The following CWC27 variants were observed in gnomAD, a reference collection of about 807,000 sequenced individuals.
CWC27 encodes the protein CWC27 spliceosome associated cyclophilin, also known as spliceosome-associated protein CWC27 homolog.
Under a neutral mutation model 63.6 loss-of-function variants are expected in CWC27, and 47 were observed. The ratio of observed to expected loss-of-function variants is 0.74; its 90% CI spans 0.58 to 0.94. CWC27 has a LOEUF of 0.94. Ranked by LOEUF, CWC27 falls within the 40% of genes least tolerant of loss-of-function variation. The probability of loss-of-function intolerance (pLI) is 0.00; values close to 1 mark genes in which losing one functional copy is unlikely to be tolerated. For synonymous variants in CWC27, 175 were observed against 179.8 expected (o/e 0.97, Z 0.22); for missense variants, 495 against 554.3 (o/e 0.89, Z 1.07).
At chr5:64,917,668 A>G (rs866366625) in intron 11 of CWC27, among the ~76,000 whole-genome samples, 2 of 152,216 alleles carry the variant, frequency 1.3e-5, no homozygotes, top group Non-Finnish European at 2.9e-5. Flanking sequence ...TCCTCCTGCA[A>G]ATAAGGAGGA....
At chr5:64,786,720 C>A in intron 6 of CWC27, 93 bp downstream of exon 6, 3 of 725,066 alleles carry the variant, frequency 4.1e-6, no homozygotes, top group Non-Finnish European at 6.5e-6. Flanking sequence ...TGTTTACTAG[C>A]AAAGGAGAGG....
chr5:64,984,230 G>A (rs543785864), intron 13 of CWC27, among the ~76,000 whole-genome samples: 2 of 152,238 alleles, frequency 1.3e-5, no homozygotes, highest in African/African-American at 4.8e-5. Context: ...TGACTCTATG[G>A]GGTAGGTATT....
chr5:65,005,492 C>G (rs1749825867), intron 13 of CWC27, among the ~76,000 whole-genome samples: 1 of 151,348 alleles, frequency 6.6e-6, no homozygotes, highest in Non-Finnish European at 1.5e-5. Flanking sequence ...TATGAGTGCC[C>G]ATAGCAATGG....
intron 4 of CWC27, among the ~76,000 whole-genome samples, chr5:64,785,231 A>G (rs1425618974): frequency 6.6e-6 from 1 of 152,194 alleles, no homozygotes; most frequent in Non-Finnish European, 1.5e-5. Flanking sequence ...ATTTGGCATT[A>G]TATTATTAAT....
intron 11 of CWC27, among the ~76,000 whole-genome samples, chr5:64,955,691 A>G (rs1265517236): frequency 6.6e-6 from 1 of 152,152 alleles, no homozygotes; most frequent in Non-Finnish European, 1.5e-5. Flanking sequence ...TTAATCTGAC[A>G]TTAATCTGGT....
chr5:64,824,313 G>C (rs991024709), intron 10 of CWC27, among the ~76,000 whole-genome samples: 2 of 151,986 alleles, frequency 1.3e-5, no homozygotes, highest in African/African-American at 2.4e-5. Flanking sequence ...TATTTTACTA[G>C]AGTATTTACA....
intron 7 of CWC27, among the ~76,000 whole-genome samples, chr5:64,797,954 A>G (rs6868521): frequency 0.37 from 56,830 of 152,000 alleles, 11,413 homozygotes; most frequent in East Asian, 0.51. Flanking sequence ...AGGCTAGAAC[A>G]GAGGATCTGG....
chr5:64,887,376 C>T (rs1001995115), intron 11 of CWC27, among the ~76,000 whole-genome samples: 2 of 150,034 alleles, frequency 1.3e-5, no homozygotes, highest in Non-Finnish European at 2.9e-5. Context: ...TATTTATTTA[C>T]TTATTTTTTG....
At chr5:64,983,836 G>A (rs1274059881) in intron 13 of CWC27, among the ~76,000 whole-genome samples, 1 of 151,964 alleles carries the variant, frequency 6.6e-6, no homozygotes, top group African/African-American at 2.4e-5. Flanking sequence ...TACTTTTGTT[G>A]TTGTTGTTGT....
At chr5:64,871,583 A>G (rs1369492696) in intron 10 of CWC27, among the ~76,000 whole-genome samples, 2 of 152,176 alleles carry the variant, frequency 1.3e-5, no homozygotes, top group Non-Finnish European at 2.9e-5. Context: ...AGCTGAGACC[A>G]TGAAGAACCT....
intron 10 of CWC27, among the ~76,000 whole-genome samples, chr5:64,839,642 T>C (rs560291219): frequency 2.0e-5 from 3 of 152,076 alleles, no homozygotes; most frequent in Non-Finnish European, 4.4e-5. Flanking sequence ...AATAGAAGTG[T>C]TGGGCTGGAA....
chr5:64,964,270 A>T (rs1374594692), intron 11 of CWC27, among the ~76,000 whole-genome samples: 1 of 152,208 alleles, frequency 6.6e-6, no homozygotes, highest in East Asian at 1.9e-4. Context: ...TATGGATGGA[A>T]TTGATGGAAT....
At chr5:64,975,331 T>C (rs989169133) in intron 12 of CWC27, among the ~76,000 whole-genome samples, 3 of 152,216 alleles carry the variant, frequency 2.0e-5, no homozygotes, top group African/African-American at 7.2e-5. Flanking sequence ...TAGGAATGTA[T>C]TGTGACTCTC....
chr5:64,938,002 G>A (rs975813935), intron 11 of CWC27, among the ~76,000 whole-genome samples: 2 of 129,236 alleles, frequency 1.5e-5, no homozygotes, highest in South Asian at 2.5e-4. Context: ...GTGTGTCTTT[G>A]CACATGAGAT....
At chr5:64,979,717 G>T (rs1005288692) in intron 13 of CWC27, among the ~76,000 whole-genome samples, 1 of 152,166 alleles carries the variant, frequency 6.6e-6, no homozygotes, top group Non-Finnish European at 1.5e-5. Context: ...CCATTGTGCT[G>T]TACTACACTG....
rs563992386 is a variant in CWC27 at position 64,859,966 on chromosome 5, T to G, written c.939-25477T>G. ...ATATAACAATAGTAACAAGTGTTTA[T>G]TTGGCCCATCCTTGTATACACTCTA... On this transcript the variant is annotated intron_variant, in intron 10 of 13. Coordinates refer to ENST00000381070, the MANE Select transcript of CWC27 (RefSeq NM_005869.4). 2.1e-4 allele frequency among the ~76,000 whole-genome samples: 32 copies of G among 152,316 alleles called. No homozygotes were observed. In the South Asian group the frequency reaches 6.2e-3, roughly 30 times the overall value.
At chr5:64,815,563 G>A (rs535857129) in intron 10 of CWC27, among the ~76,000 whole-genome samples, 19 of 152,196 alleles carry the variant, frequency 1.2e-4, no homozygotes, top group South Asian at 2.1e-4. Flanking sequence ...CAGTCTCTAC[G>A]ATTTAAACAG....
At chr5:64,956,798 A>G (rs1366700926) in intron 11 of CWC27, among the ~76,000 whole-genome samples, 1 of 152,180 alleles carries the variant, frequency 6.6e-6, no homozygotes, top group East Asian at 1.9e-4. Flanking sequence ...TTCATCATTT[A>G]TTAGCCATAT....
chr5:64,850,501 T>C (rs950095185), intron 10 of CWC27, among the ~76,000 whole-genome samples: 3 of 151,990 alleles, frequency 2.0e-5, no homozygotes, highest in Non-Finnish European at 4.4e-5. Context: ...AAATGACATA[T>C]TAGTACAGTT....
Sources: gnomAD v4.1 joint callset for allele counts (sites outside exome capture counted in the v4.1 genomes callset) on GRCh38, gnomAD v4.1.1 for gene constraint, MANE v1.5 for transcripts, NCBI Gene and HGNC (gene_info 2026-07-23, HGNC 2026-07-21) for gene names.